SKP1: variants seen among roughly 807,000 people sequenced by gnomAD.
The protein encoded by SKP1 is S-phase kinase associated protein 1.
In SKP1, 1 loss-of-function variant was observed where a neutral mutation model predicts 21.5. That is an observed-to-expected ratio of 0.05 (90% CI 0.02 to 0.22). The LOEUF (loss-of-function observed/expected upper bound fraction) is 0.22. Ranked by LOEUF, SKP1 falls within the 10% of genes least tolerant of loss-of-function variation. The pLI is 1.00. For synonymous variants in SKP1, 59 were observed against 59.3 expected, an observed-to-expected ratio of 0.99 and a Z score of 0.03; for missense variants, 70 against 192.0, an observed-to-expected ratio of 0.36 and a Z score of 3.76.
intron 2 of SKP1, among the ~76,000 whole-genome samples, chr5:134,172,857 C>T (rs1376473250): frequency 6.6e-6 from 1 of 150,930 alleles, no homozygotes; most frequent in Non-Finnish European, 1.5e-5. Context: ...CTAAAAAATA[C>T]AAAAATTAGC....
At chr5:134,171,483 C>G (rs1482904271) in intron 2 of SKP1, among the ~76,000 whole-genome samples, 2 of 152,226 alleles carry the variant, frequency 1.3e-5, no homozygotes, top group African/African-American at 4.8e-5. Context: ...CTACTTATCT[C>G]TAGCAGTCTA....
chr5:134,170,965 C>T (rs1362073451), intron 2 of SKP1: 1 of 452,740 alleles, frequency 2.2e-6, no homozygotes, highest in Non-Finnish European at 4.4e-6. Flanking sequence ...CTTTTAGGGA[C>T]ACTTGGATTG....
At chr5:134,159,854 CG>C (rs1346939587) in intron 4 of SKP1, among the ~76,000 whole-genome samples, 1 of 150,296 alleles carries the variant, frequency 6.7e-6, no homozygotes, top group African/African-American at 2.4e-5. Flanking sequence ...GCCTAATTTT[CG>C]TATTTTTAGT....
At position 134,158,278 on chromosome 5, in the gene SKP1, C is replaced by G. The variant is rs547975213; in HGVS notation, c.456+177G>C. 5.4e-5 allele frequency: 81 copies of G among 1,491,892 alleles called. No homozygotes were observed. In the African/African-American group the frequency reaches 9.3e-4, roughly 17 times the overall value. The allele number at this position is 1,491,892 out of a possible 1,614,324, so 92.4% of individuals were successfully genotyped here. A position where few individuals can be genotyped will look rare whatever the true frequency, so the allele number is the denominator to read the frequency against. ...TCTTATGCTTAAAATGCAGTATCAT[C>G]TAAGTGTTCAGATTCATAAAGACAG... is the stretch of plus-strand genomic sequence containing the variant. On this transcript the variant is annotated intron_variant, in intron 5 of 5. Coordinates refer to ENST00000353411, the MANE Select transcript of SKP1 (RefSeq NM_170679.3).
chr5:134,168,574 A>G (rs745587284), intron 2 of SKP1, among the ~76,000 whole-genome samples: 1 of 152,202 alleles, frequency 6.6e-6, no homozygotes, highest in Non-Finnish European at 1.5e-5. Flanking sequence ...GTTAAAGAAC[A>G]TGGGTTAAGG....
chr5:134,158,984 TTTCA>T (rs1761169161), intron 4 of SKP1, among the ~76,000 whole-genome samples: 1 of 152,238 alleles, frequency 6.6e-6, no homozygotes, highest in African/African-American at 2.4e-5. Context: ...CAGGTTTTGG[TTTCA>T]TTGACTTTAT....
chr5:134,151,660 T>C lies in SKP1; in HGVS notation c.*6073A>G. 2.2e-6 allele frequency: 1 copy of C among 455,896 alleles called. No individual in the cohort carries two copies. 28.2% of individuals were successfully genotyped at this position (455,896 alleles called of 1,614,324 possible). ...AATATACTTAAATACTTCCAGAAAA[T>C]TTAAAGTTGACAGATATCAGAAGGT... On this transcript the variant is annotated 3_prime_UTR_variant, in exon 6 of 6. Transcript: ENST00000353411.
rs1359045620 is a variant in SKP1 at position 134,151,875 on chromosome 5, C to T, written c.*5858G>A. The T allele has an allele frequency of 3.1e-6, 1 of 320,518 alleles. No homozygotes were observed. 19.9% of individuals were successfully genotyped at this position (320,518 alleles called of 1,614,324 possible). A position where few individuals can be genotyped will look rare whatever the true frequency, so the allele number is the denominator to read the frequency against. The stretch of plus-strand genomic sequence containing the variant: ...TGTCCCGCATTGGAAGTGTGTCAAG[C>T]AAGAGCACCTTCGACAACACTTTTC... On this transcript the variant is annotated 3_prime_UTR_variant, in exon 6 of 6. Coordinates refer to ENST00000353411, the MANE Select transcript of SKP1 (RefSeq NM_170679.3).
intron 2 of SKP1, chr5:134,171,058 G>GT (rs1366705061): frequency 2.2e-6 from 1 of 455,928 alleles, no homozygotes; most frequent in Non-Finnish European, 4.4e-6. Flanking sequence ...GTACCAAGGA[G>GT]TTTACAACTT....
intron 2 of SKP1, chr5:134,170,993 T>C (rs1265416154): frequency 8.8e-6 from 4 of 455,564 alleles, no homozygotes; most frequent in South Asian, 6.2e-5. Flanking sequence ...TTTTTTTTAG[T>C]GAGCACAACA....
chr5:134,173,936 G>C lies in SKP1; in HGVS notation c.87C>G (p.Thr29=). 6.3e-7 allele frequency: 1 copy of C among 1,584,628 alleles called. No homozygotes were observed. The highest frequency in any genetic ancestry group is 8.7e-7 in the Non-Finnish European group (1 of 1,153,510). ...EIAKQSVTIK[T]MLEDLGMDDE... is the part of the protein sequence containing the mutation. ...TTCCAATGAACTTACCTTCCAACATGGTCTTAATAGTCACAGATTGTTTGG... is the reference window on the plus strand; with the variant it reads ...TTCCAATGAACTTACCTTCCAACATCGTCTTAATAGTCACAGATTGTTTGG... Residue 29 remains threonine (T), a synonymous_variant, in exon 2 of 6, where the codon ACC becomes ACG. Transcript: ENST00000353411.
intron 1 of SKP1, among the ~76,000 whole-genome samples, chr5:134,176,113 T>C (rs1169404082): frequency 6.6e-6 from 1 of 152,166 alleles, no homozygotes; most frequent in Admixed American, 6.5e-5. Context: ...TCAAAGCAGG[T>C]AGACGTCCTA....
At chr5:134,158,759 T>C in intron 4 of SKP1, 164 bp from the exon 5 acceptor site, 2 of 647,242 alleles carry the variant, frequency 3.1e-6, no homozygotes. Context: ...AAGACTTTTA[T>C]GTGACCTTCT....
Position 134,155,723 on chromosome 5 carries a change from A to G in SKP1, c.*2010T>C, listed in dbSNP as rs1382640354. On this transcript the variant is annotated 3_prime_UTR_variant, in exon 6 of 6. Coordinates refer to ENST00000353411, the MANE Select transcript of SKP1 (RefSeq NM_170679.3). Reference sequence around the variant, plus strand: ...TCTTAGAAGGTGATACTTCCTTTACAAGTTAAACATGGCATATGGCAGTAA... The same window carrying G: ...TCTTAGAAGGTGATACTTCCTTTACGAGTTAAACATGGCATATGGCAGTAA... The G allele has an allele frequency of 6.6e-6, 1 of 152,232 alleles. No individual in the cohort carries two copies. The highest frequency in any genetic ancestry group is 1.5e-5 in the Non-Finnish European group (1 of 68,046). 9.4% of individuals were successfully genotyped at this position (152,232 alleles called of 1,614,324 possible).
rs1191699033 is a variant in SKP1 at position 134,154,747 on chromosome 5, T to G, written c.*2986A>C. ...AATACCTTCTTCCTCTCATTCTCTT[T>G]CCTGGTGAAATAAAAGGCATTTCCT... On this transcript the variant is annotated 3_prime_UTR_variant, in exon 6 of 6. Transcript: ENST00000353411. 1.3e-5 allele frequency: 2 copies of G among 152,222 alleles called. No individual in the cohort carries two copies. Among genetic ancestry groups the G allele is most frequent in the Non-Finnish European group, 2.9e-5 (2 of 68,050 alleles). 9.4% of individuals were successfully genotyped at this position (152,222 alleles called of 1,614,324 possible).
rs748376513 is a variant in SKP1, at chr5:134,151,750, T to C, written c.*5983A>G. ...CAACTACATTCCTCCCATAGAATGC[T>C]GCTCAATACTGGCACACAGACCAGA... On this transcript the variant is annotated 3_prime_UTR_variant, in exon 6 of 6. Coordinates refer to ENST00000353411, the MANE Select transcript of SKP1 (RefSeq NM_170679.3). 1 of 454,836 alleles carries C rather than the reference T, an allele frequency of 2.2e-6. No homozygotes were observed. Among genetic ancestry groups the C allele is most frequent in the Non-Finnish European group, 4.4e-6 (1 of 225,996 alleles). 28.2% of individuals were successfully genotyped at this position (454,836 alleles called of 1,614,324 possible).
At chr5:134,165,086 C>T (rs576768158) in intron 3 of SKP1, among the ~76,000 whole-genome samples, 1 of 148,212 alleles carries the variant, frequency 6.7e-6, no homozygotes, top group South Asian at 2.1e-4. Context: ...GAGGGTGTAC[C>T]GAAATTGGAA....
rs529521568 is a variant in SKP1 at position 134,154,877 on chromosome 5, C to T, written c.*2856G>A. ...AATTCATCAGTAACCACTCTCCAAA[C>T]CAAGGCTATTATCAGCTATTATCAA... On this transcript the variant is annotated 3_prime_UTR_variant, in exon 6 of 6. Transcript: ENST00000353411. 1 of 152,316 alleles carries T rather than the reference C, an allele frequency of 6.6e-6. No individual in the cohort carries two copies. Among genetic ancestry groups the T allele is most frequent in the East Asian group, 1.9e-4 (1 of 5,190 alleles). 9.4% of individuals were successfully genotyped at this position (152,316 alleles called of 1,614,324 possible). A position where few individuals can be genotyped will look rare whatever the true frequency, so the allele number is the denominator to read the frequency against.
At chr5:134,160,901 C>CAAATACTCTCT in intron 4 of SKP1, 86 bp downstream of exon 4, 1 of 849,138 alleles carries the variant, frequency 1.2e-6, no homozygotes, top group Non-Finnish European at 1.8e-6. Context: ...TATTAAAATT[C>CAAATACTCTCT]AGTGTCAATG....
Sources: allele counts gnomAD v4.1 joint callset (sites outside exome capture counted in the v4.1 genomes callset), GRCh38; gene constraint gnomAD v4.1.1; transcripts MANE v1.5; gene names NCBI Gene and HGNC (gene_info 2026-07-23, HGNC 2026-07-21).